SGPP2: variants seen among roughly 807,000 people sequenced by gnomAD.
SGPP2 encodes the protein sphingosine 1-phosphate phosphohydrolase 2.
In SGPP2, 30 loss-of-function variants were observed where a neutral mutation model predicts 33.9. The observed-to-expected ratio is 0.89, with a 90% CI of 0.66 to 1.20. The LOEUF (loss-of-function observed/expected upper bound fraction) is 1.20, where lower values mean the gene tolerates loss of function less well. SGPP2 is among the 50% of genes most tolerant of loss of function. SGPP2 has a pLI of 0.00. For synonymous variants in SGPP2, 233 were observed against 225.0 expected (o/e 1.04, Z -0.32); for missense variants, 458 against 532.1 (o/e 0.86, Z 1.37).
chr2:222,516,745 G>C (rs550795919), intron 2 of SGPP2, among the ~76,000 whole-genome samples: 1 of 152,246 alleles, frequency 6.6e-6, no homozygotes, highest in African/African-American at 2.4e-5. Context: ...TCAGTCTTGT[G>C]AATTTTGGGG....
chr2:222,551,903 A>C (rs1689300406), intron 4 of SGPP2, among the ~76,000 whole-genome samples: 2 of 152,216 alleles, frequency 1.3e-5, no homozygotes, highest in African/African-American at 4.8e-5. Flanking sequence ...AAGGCATTCC[A>C]TTCTTATGCC....
intron 4 of SGPP2, among the ~76,000 whole-genome samples, chr2:222,553,164 T>C (rs1689326428): frequency 6.6e-6 from 1 of 152,226 alleles, no homozygotes; most frequent in Non-Finnish European, 1.5e-5. Flanking sequence ...TGCCTTCACA[T>C]TCAGTTCAGG....
At chr2:222,531,975 C>A (rs1337993899) in intron 4 of SGPP2, among the ~76,000 whole-genome samples, 2 of 152,076 alleles carry the variant, frequency 1.3e-5, no homozygotes, top group Non-Finnish European at 2.9e-5. Context: ...CTGCTTGATA[C>A]AAATGGCTCT....
intron 2 of SGPP2, among the ~76,000 whole-genome samples, chr2:222,490,799 C>T (rs952967857): frequency 6.6e-5 from 10 of 152,094 alleles, no homozygotes; most frequent in African/African-American, 2.4e-4. Flanking sequence ...AGGCATGAGC[C>T]TTAGTAATCC....
chr2:222,450,944 C>G (rs1173552133), intron 1 of SGPP2, among the ~76,000 whole-genome samples: 1 of 151,938 alleles, frequency 6.6e-6, no homozygotes, highest in Non-Finnish European at 1.5e-5. Context: ...TTTTTTTTAA[C>G]TATTTAATGT....
chr2:222,481,176 A>G (rs994155852), intron 2 of SGPP2, among the ~76,000 whole-genome samples: 2 of 152,188 alleles, frequency 1.3e-5, no homozygotes, highest in South Asian at 2.1e-4. Context: ...CTGTGCAGCA[A>G]ACCAAAATGG....
intron 3 of SGPP2, 138 bp downstream of exon 3, chr2:222,522,084 A>G: frequency 5.6e-6 from 4 of 711,378 alleles, no homozygotes; most frequent in Non-Finnish European, 2.2e-6. Context: ...GAAACCTATT[A>G]AACAGATGAC....
At chr2:222,451,537 G>T in intron 1 of SGPP2, among the ~76,000 whole-genome samples, 1 of 152,184 alleles carries the variant, frequency 6.6e-6, no homozygotes, top group South Asian at 2.1e-4. Flanking sequence ...ATGTCTGAAG[G>T]GCTGATGTGC....
At chr2:222,504,602 T>G (rs1698416946) in intron 2 of SGPP2, 1 of 152,246 alleles carries the variant, frequency 6.6e-6, no homozygotes, top group Admixed American at 6.5e-5. Context: ...TTACCCCATT[T>G]GATGTTGGGG....
chr2:222,468,588 C>T (rs1232612870), intron 1 of SGPP2, among the ~76,000 whole-genome samples: 1 of 152,156 alleles, frequency 6.6e-6, no homozygotes, highest in African/African-American at 2.4e-5. Flanking sequence ...GCTGGGCATT[C>T]GCTCCTCTGC....
intron 1 of SGPP2, among the ~76,000 whole-genome samples, chr2:222,454,824 C>T (rs1247864793): frequency 2.0e-5 from 3 of 151,504 alleles, no homozygotes; most frequent in Non-Finnish European, 4.4e-5. Context: ...GTGTATTTTT[C>T]AAAGCTCCTT....
At chr2:222,428,279 C>T (rs1468202685) in intron 1 of SGPP2, among the ~76,000 whole-genome samples, 5 of 152,144 alleles carry the variant, frequency 3.3e-5, no homozygotes, top group African/African-American at 1.2e-4. Flanking sequence ...CTGCCCTGAG[C>T]AGAAGGCAGG....
rs1426722152 is a variant in SGPP2 at position 222,465,525 on chromosome 2, T to A, written c.220-9043T>A. Among the ~76,000 whole-genome samples the A allele has an allele frequency of 6.6e-6, 1 of 152,162 alleles. No individual in the cohort carries two copies. Among genetic ancestry groups the A allele is most frequent in the Admixed American group, 6.5e-5 (1 of 15,282 alleles). On this transcript the variant is annotated intron_variant, in intron 1 of 4. Coordinates refer to ENST00000321276, the MANE Select transcript of SGPP2 (RefSeq NM_152386.4). The surrounding 1 kb of genome is among the most constrained non-coding windows in gnomAD (Gnocchi z 4.1). ...CTCCCTCATGGTAGAAATGATGCCATTTCACCCCAGTGGCTTTTCAGTTCA... is the reference window on the plus strand; with the variant it reads ...CTCCCTCATGGTAGAAATGATGCCAATTCACCCCAGTGGCTTTTCAGTTCA...
At chr2:222,459,710 A>G (rs892072631) in intron 1 of SGPP2, among the ~76,000 whole-genome samples, 4 of 152,056 alleles carry the variant, frequency 2.6e-5, no homozygotes, top group African/African-American at 7.2e-5. Flanking sequence ...ATGAACCTCT[A>G]TCTACCATTC....
chr2:222,532,963 G>C (rs923725150), intron 4 of SGPP2, among the ~76,000 whole-genome samples: 13 of 152,164 alleles, frequency 8.5e-5, no homozygotes, highest in Non-Finnish European at 1.8e-4. Context: ...AGGTAAAACA[G>C]AGTTCCTTAT....
rs1697896890 is a variant in SGPP2 at position 222,474,362 on chromosome 2, T to C, written c.220-206T>C. ...GTACTTCTGTCTTGGATATTGCTTA[T>C]TTAATTTTACAAAAAATTCACAGCC... On this transcript the variant is annotated intron_variant, in intron 1 of 4. Transcript: ENST00000321276. Among the ~76,000 whole-genome samples the C allele has an allele frequency of 2.0e-5, 3 of 152,352 alleles. No individual in the cohort carries two copies. In the South Asian group the frequency reaches 6.2e-4, roughly 32 times the overall value.
chr2:222,524,255 A>G (rs1456011829), intron 3 of SGPP2, among the ~76,000 whole-genome samples: 3 of 152,204 alleles, frequency 2.0e-5, no homozygotes, highest in African/African-American at 7.2e-5. Flanking sequence ...ACAGTGCCCT[A>G]TTGTCTTTGA....
rs554672341 is a variant in SGPP2, at chr2:222,550,342, T to G, written c.649-8005T>G. Among the ~76,000 whole-genome samples, 1 of 152,332 alleles carries G rather than the reference T, an allele frequency of 6.6e-6. No individual in the cohort carries two copies. Among genetic ancestry groups the G allele is most frequent in the African/African-American group, 2.4e-5 (1 of 41,566 alleles). On this transcript the variant is annotated intron_variant, in intron 4 of 4. Transcript: ENST00000321276. This position sits in a 1 kb window ranked among gnomAD's most constrained non-coding sequence, Gnocchi z 4.5. ...CACTTTGATTTTCACATTCTGATTT[T>G]TTTCCTCCTTGATTTCATTTTATTA...
chr2:222,503,239 G>A (rs953868334), intron 2 of SGPP2, among the ~76,000 whole-genome samples: 7 of 152,184 alleles, frequency 4.6e-5, no homozygotes, highest in African/African-American at 1.2e-4. Flanking sequence ...TGCTAAGGAC[G>A]AGGGATGATC....
Sources: allele counts gnomAD v4.1 joint callset (sites outside exome capture counted in the v4.1 genomes callset), GRCh38; gene constraint gnomAD v4.1.1; non-coding constraint Gnocchi (gnomAD v3.1); transcripts MANE v1.5; gene names NCBI Gene and HGNC (gene_info 2026-07-23, HGNC 2026-07-21).